The following ZNF584 variants were observed in gnomAD, a reference collection of about 807,000 sequenced individuals.
ZNF584 encodes the protein zinc finger protein 584.
ZNF584 carries 12 observed loss-of-function variants against 14.7 expected under a neutral mutation model. The ratio of observed to expected loss-of-function variants is 0.82; its 90% CI spans 0.52 to 1.32. The LOEUF is 1.32. Among genes scored for constraint, ZNF584 ranks in the 40% most tolerant of loss-of-function variants. ZNF584 has a pLI of 0.00. For missense variants in ZNF584, 478 were observed against 518.8 expected, an observed-to-expected ratio of 0.92 and a Z score of 0.76; for synonymous variants, 204 against 190.9, an observed-to-expected ratio of 1.07 and a Z score of -0.57.
intron 1 of ZNF584, among the ~76,000 whole-genome samples, chr19:58,403,017 T>A (rs974070453): frequency 6.6e-6 from 1 of 152,158 alleles, no homozygotes; most frequent in Admixed American, 6.5e-5. Flanking sequence ...AAAACACTGA[T>A]AGCACCATAT....
At chr19:58,410,853 G>T (rs71333260) in intron 2 of ZNF584, among the ~76,000 whole-genome samples, 23,682 of 125,954 alleles carry the variant, frequency 0.19, 2,399 homozygotes, top group Non-Finnish European at 0.22. Context: ...GTGCAGTGGC[G>T]CAATCTCGGC....
In ZNF584 at chr19:58,418,094, G is replaced by A. The variant is rs2052670160; in HGVS notation, c.*310G>A. 2 of 321,278 alleles carry A rather than the reference G, an allele frequency of 6.2e-6. No individual in the cohort carries two copies. The highest frequency in any genetic ancestry group is 9.1e-5 in the Admixed American group (2 of 21,866). 19.9% of individuals were successfully genotyped at this position (321,278 alleles called of 1,614,324 possible). ...TCTAAACAGTAGAGAATCGTTAATA[G>A]TGGAGCCCAAAACAGGCCTCATTCC... On this transcript the variant is annotated 3_prime_UTR_variant, in exon 4 of 4. Transcript: ENST00000306910.
At position 58,417,351 on chromosome 19, in the gene ZNF584, C is replaced by A. The variant is rs370062783; in HGVS notation, c.833C>A (p.Thr278Asn). 3.7e-6 allele frequency: 6 copies of A among 1,614,014 alleles called. No homozygotes were observed. In the African/African-American group the frequency reaches 6.7e-5, roughly 18 times the overall value. ...TACGAGTGCAGCAAATGTGGTAAAA[C>A]CTTCAGTGTTCTGTCTACCCTCATT... ...RPYECSKCGK[T>N]FSVLSTLIRH... The change falls in exon 4 of 4, where the codon ACC becomes AAC. Residue 278 changes from threonine to asparagine, a missense_variant. Coordinates refer to ENST00000306910, the MANE Select transcript of ZNF584 (RefSeq NM_173548.3).
Position 58,409,169 on chromosome 19 carries a change from A to G in ZNF584, c.18+4A>G, listed in dbSNP as rs1300836940. 3 of 1,435,738 alleles carry G rather than the reference A, an allele frequency of 2.1e-6. No homozygotes were observed. Among genetic ancestry groups the G allele is most frequent in the Non-Finnish European group, 2.8e-6 (3 of 1,086,722 alleles). The allele number at this position is 1,435,738 out of a possible 1,614,324, so 88.9% of individuals were successfully genotyped here. On this transcript the variant is annotated splice_donor_region_variant and intron_variant, in intron 1 of 3. Coordinates refer to ENST00000306910, the MANE Select transcript of ZNF584 (RefSeq NM_173548.3). ...TCCAATGGCCGGGGAGGCGGAGGTG[A>G]GCAGAGGATGCCTCCGAGGAATGAG... is the stretch of plus-strand genomic sequence containing the variant.
chr19:58,402,459 T>G (rs953101813), intron 1 of ZNF584, among the ~76,000 whole-genome samples: 1 of 152,258 alleles, frequency 6.6e-6, no homozygotes, highest in Admixed American at 6.5e-5. Flanking sequence ...AGACATCTAC[T>G]TGTTCTTTCA....
intron 1 of ZNF584, among the ~76,000 whole-genome samples, chr19:58,401,906 A>AAAT (rs1386954920): frequency 5.7e-4 from 67 of 118,512 alleles, no homozygotes; most frequent in Admixed American, 1.3e-3. Flanking sequence ...AAAAAAAAAG[A>AAAT]TTTTTTTTTT....
rs551075156 is a variant in ZNF584, at chr19:58,417,573, G to A, written c.1055G>A (p.Arg352Gln). ...YQHWKVHTGE[R>Q]PYECSLCGKT... ...CACTGGAAAGTCCACACTGGGGAAC[G>A]GCCCTATGAATGTAGCCTGTGTGGG... is the stretch of plus-strand genomic sequence containing the variant. The change falls in exon 4 of 4, where the codon CGG (arginine) becomes CAG (glutamine). Residue 352 changes from arginine (R) to glutamine (Q), a missense_variant. By Grantham distance (43) the Arg-to-Gln change is conservative. Transcript: ENST00000306910. The A allele has an allele frequency of 8.7e-6, 14 of 1,614,136 alleles. No individual in the cohort carries two copies. Among genetic ancestry groups the A allele is most frequent in the African/African-American group, 8.0e-5 (6 of 75,030 alleles).
At chr19:58,412,365 G>A (rs937198045) in intron 2 of ZNF584, among the ~76,000 whole-genome samples, 3 of 151,300 alleles carry the variant, frequency 2.0e-5, no homozygotes, top group East Asian at 1.9e-4. Flanking sequence ...GCCCGCCACC[G>A]CGCCCGGCTA....
chr19:58,402,593 T>C (rs552610863), intron 1 of ZNF584, among the ~76,000 whole-genome samples: 7 of 151,910 alleles, frequency 4.6e-5, no homozygotes, highest in African/African-American at 1.7e-4. Flanking sequence ...GAGGCTGAGG[T>C]GGGCGGATCA....
chr19:58,413,005 AT>A (rs1394345399), intron 2 of ZNF584, among the ~76,000 whole-genome samples: 1 of 152,208 alleles, frequency 6.6e-6, no homozygotes, highest in Middle Eastern at 3.4e-3. Context: ...TCCTTTTTCC[AT>A]TCCTGTTCAA....
intron 1 of ZNF584, 85 bp from the exon 2 acceptor site, chr19:58,409,856 G>A: frequency 6.6e-7 from 1 of 1,524,840 alleles, no homozygotes; most frequent in South Asian, 1.1e-5. Flanking sequence ...AGATGTGATA[G>A]GACCCTGAGA....
rs781066746 is a variant in ZNF584 at position 58,416,948 on chromosome 19, T to C, written c.430T>C (p.Ser144Pro). The C allele has an allele frequency of 1.2e-6, 2 of 1,612,944 alleles. No homozygotes were observed. The highest frequency in any genetic ancestry group is 1.7e-6 in the Non-Finnish European group (2 of 1,179,408). Residue 144 changes from serine (S) to proline (P), a missense_variant, in exon 4 of 4, where the codon TCC becomes CCC. Ser to Pro is a moderately conservative substitution (Grantham distance 74, BLOSUM62 -1). Transcript: ENST00000306910. ...TEHGAAFPPG[S>P]SCGQQQEVHV... is the part of the protein sequence containing the mutation. ...GCATGGGGCAGCTTTCCCACCTGGT[T>C]CCAGTTGTGGGCAACAGCAAGAAGT...
chr19:58,402,710 T>A (rs1333120814), intron 1 of ZNF584, among the ~76,000 whole-genome samples: 1 of 150,676 alleles, frequency 6.6e-6, no homozygotes, highest in Non-Finnish European at 1.5e-5. Context: ...TTATCCCAGC[T>A]CCTCGGGAGG....
intron 3 of ZNF584, 92 bp from the exon 4 acceptor site, chr19:58,416,719 G>C (rs1207975520): frequency 6.8e-7 from 1 of 1,467,052 alleles, no homozygotes; most frequent in East Asian, 2.3e-5. Context: ...CAGTTCTATG[G>C]AGTCCTTCTG....
intron 3 of ZNF584, chr19:58,416,030 C>A: frequency 4.7e-6 from 7 of 1,477,274 alleles, no homozygotes; most frequent in African/African-American, 1.4e-5. Flanking sequence ...CACATGCCTC[C>A]TCATAGTGCT....
chr19:58,409,127 G>T lies in ZNF584; in HGVS notation c.-21G>T. On this transcript the variant is annotated 5_prime_UTR_variant, in exon 1 of 4. Coordinates refer to ENST00000306910, the MANE Select transcript of ZNF584 (RefSeq NM_173548.3). ...GGCTGAGGCCGTGGGTCCAGTCCAC[G>T]GGTTCTGCCCGCACGGTCCAATGGC... The T allele has an allele frequency of 6.8e-7, 1 of 1,460,430 alleles. No individual in the cohort carries two copies. 90.5% of individuals were successfully genotyped at this position (1,460,430 alleles called of 1,614,324 possible). A position where few individuals can be genotyped will look rare whatever the true frequency, so the allele number is the denominator to read the frequency against.
At chr19:58,403,516 G>A (rs970213403) in intron 1 of ZNF584, among the ~76,000 whole-genome samples, 2 of 151,426 alleles carry the variant, frequency 1.3e-5, no homozygotes, top group Admixed American at 6.6e-5. Context: ...TCAGTGGGAG[G>A]GAGGGAGGGA....
At chr19:58,411,436 G>A (rs1209251997) in intron 2 of ZNF584, among the ~76,000 whole-genome samples, 5 of 151,132 alleles carry the variant, frequency 3.3e-5, no homozygotes, top group Non-Finnish European at 7.4e-5. Flanking sequence ...TGAGGCAGGA[G>A]AATCGCTTGA....
At chr19:58,410,639 A>ATATGTG (rs2052549118) in intron 2 of ZNF584, among the ~76,000 whole-genome samples, 1 of 30,544 alleles carries the variant, frequency 3.3e-5, no homozygotes, top group Non-Finnish European at 5.3e-5. Flanking sequence ...ATATGTGTAT[A>ATATGTG]TATATGTGTA....
Sources: gnomAD v4.1 joint callset for allele counts (sites outside exome capture counted in the v4.1 genomes callset) on GRCh38, gnomAD v4.1.1 for gene constraint, MANE v1.5 for transcripts, NCBI Gene and HGNC (gene_info 2026-07-23, HGNC 2026-07-21) for gene names.